Variants in FGF13 observed in about 807,000 individuals in gnomAD.
FGF13 encodes the protein fibroblast growth factor 13.
Under a neutral mutation model 19.5 loss-of-function variants are expected in FGF13, and 2 were observed. The ratio of observed to expected loss-of-function variants is 0.10; its 90% CI spans 0.04 to 0.32. The LOEUF is 0.32. Among genes scored for constraint, FGF13 ranks in the 10% least tolerant of loss-of-function variants. FGF13 has a pLI of 1.00. For synonymous variants in FGF13, 72 were observed against 76.9 expected, an observed-to-expected ratio of 0.94 and a Z score of 0.33; for missense variants, 113 against 192.7, an observed-to-expected ratio of 0.59 and a Z score of 2.45.
intron 3 of FGF13, among the ~76,000 whole-genome samples, chrX:138,646,891 A>G (rs2124120370): frequency 1.8e-5 from 2 of 111,966 alleles, no homozygotes; most frequent in Admixed American, 9.5e-5. Flanking sequence ...AAGACAACAG[A>G]GAGTGAAAAC....
At chrX:139,194,880 C>T (rs973451407) in intron 1 of FGF13, among the ~76,000 whole-genome samples, 14 of 111,869 alleles carry the variant, frequency 1.3e-4, no homozygotes, top group African/African-American at 3.6e-4. Context: ...GCCCGCGGTT[C>T]CCTTTGCGAC....
intron 3 of FGF13, among the ~76,000 whole-genome samples, chrX:138,809,702 T>G (rs892258404): frequency 9.0e-6 from 1 of 111,265 alleles, no homozygotes; most frequent in Non-Finnish European, 1.9e-5. Context: ...AAACCCCATC[T>G]CAGCCCAAAA....
rs923843836 is a variant in FGF13 at position 138,932,903 on chromosome X, T to C, written c.-112-68253A>G. ...AGAGACACCTATATCTCCTCCAGCC[T>C]AGAAGCAATTTGTGTTTCATGGAGG... On this transcript the variant is annotated intron_variant, in intron 1 of 2. Transcript: ENST00000421460. Among the ~76,000 whole-genome samples, 3 of 110,999 alleles carry C rather than the reference T, an allele frequency of 2.7e-5. No individual in the cohort carries two copies. The South Asian group carries it at 1.2e-3, about 44-fold the overall frequency.
intron 3 of FGF13, among the ~76,000 whole-genome samples, chrX:138,819,183 T>C (rs911409365): frequency 6.3e-5 from 7 of 111,749 alleles, no homozygotes; most frequent in African/African-American, 2.0e-4. Flanking sequence ...TTACTTCTTA[T>C]GTAGCCTTTT....
chrX:138,785,472 TCTC>T (rs1206112719), intron 3 of FGF13, among the ~76,000 whole-genome samples: 1 of 111,331 alleles, frequency 9.0e-6, no homozygotes, highest in Non-Finnish European at 1.9e-5. Flanking sequence ...AGCTTTTCCT[TCTC>T]CACCACTATA....
At position 139,057,597 on chromosome X, in the gene FGF13, A is replaced by G. The variant is rs775918669; in HGVS notation, c.-113+145819T>C. Among the ~76,000 whole-genome samples, 5 of 112,338 alleles carry G rather than the reference A, an allele frequency of 4.5e-5. No individual in the cohort carries two copies. The South Asian group carries it at 1.8e-3, about 41-fold the overall frequency. ...AAACTTGTACATAAATGTTCATAGCACAATTATTCATAACCACCACAAAGT... is the reference window on the plus strand; with the variant it reads ...AAACTTGTACATAAATGTTCATAGCGCAATTATTCATAACCACCACAAAGT... On this transcript the variant is annotated intron_variant, in intron 1 of 2. Coordinates refer to the FGF13 transcript ENST00000421460.
At chrX:139,161,334 G>A (rs1159938403) in intron 1 of FGF13, among the ~76,000 whole-genome samples, 1 of 111,716 alleles carries the variant, frequency 9.0e-6, no homozygotes. Context: ...GGTATTGATG[G>A]AACATATCTC....
At chrX:138,833,101 G>A (rs1331536410) in intron 3 of FGF13, among the ~76,000 whole-genome samples, 2 of 112,083 alleles carry the variant, frequency 1.8e-5, no homozygotes, top group Non-Finnish European at 1.9e-5. Flanking sequence ...GTAGCATGAT[G>A]CCTCCTACTT....
rs35078012 is a variant in FGF13, at chrX:138,913,182, C to CTTTTTTTTTTTTTTTTTTTT, written c.-112-48552_-112-48533dup. Among the ~76,000 whole-genome samples, 14 of 37,092 alleles carry CTTTTTTTTTTTTTTTTTTTT rather than the reference C, an allele frequency of 3.8e-4. 5 individuals are homozygous for CTTTTTTTTTTTTTTTTTTTT. The highest frequency in any genetic ancestry group is 1.6e-3 in the African/African-American group (13 of 8,007). The allele number at this position is 37,092 out of a possible 115,157, so 32.2% of individuals were successfully genotyped here. On this transcript the variant is annotated intron_variant, in intron 1 of 2. Transcript: ENST00000421460. ...TGCACCTGGAAAGAAAAAGCATCTA[C>CTTTTTTTTTTTTTTTTTTTT]TTTTTTTTTTTTTTTTTTTTTTTTT...
At chrX:138,701,415 TAA>T (rs1215181080) in intron 3 of FGF13, among the ~76,000 whole-genome samples, 2 of 112,270 alleles carry the variant, frequency 1.8e-5, no homozygotes, top group Admixed American at 1.9e-4. Flanking sequence ...TACACAAATC[TAA>T]AATAAAATCC....
chrX:138,642,610 A>C (rs2089262965), intron 3 of FGF13, among the ~76,000 whole-genome samples: 1 of 112,128 alleles, frequency 8.9e-6, no homozygotes, highest in African/African-American at 3.2e-5. Context: ...TTCACTATGG[A>C]ATCAATTTAC....
chrX:138,985,026 T>C (rs1463468726), intron 1 of FGF13: 1 of 370,483 alleles, frequency 2.7e-6, no homozygotes, highest in Non-Finnish European at 5.4e-6. Flanking sequence ...ACTTAGGTAG[T>C]AGCTTCCTCC....
intron 3 of FGF13, among the ~76,000 whole-genome samples, chrX:138,770,605 G>A (rs2090538036): frequency 9.0e-6 from 1 of 111,349 alleles, no homozygotes; most frequent in Non-Finnish European, 1.9e-5. Flanking sequence ...TACTATCGTG[G>A]CACGTTTTTA....
At position 138,625,463 on chromosome X, in the gene FGF13, TATATATAC is replaced by T. The variant is rs1294031574; in HGVS notation, c.*7379_*7386del. 2 of 96,398 alleles carry T rather than the reference TATATATAC, an allele frequency of 2.1e-5. No homozygotes were observed. Among genetic ancestry groups the T allele is most frequent in the East Asian group, 6.1e-4 (2 of 3,270 alleles). The allele number at this position is 96,398 out of a possible 1,213,427, so 7.9% of individuals were successfully genotyped here. On this transcript the variant is annotated 3_prime_UTR_variant, in exon 5 of 5. Coordinates refer to ENST00000315930, the MANE Select transcript of FGF13 (RefSeq NM_004114.5). ...AGATGAATGAAGAAAGAAAATTATATATATATACATATATATATATAATATATATATAT... is the reference window on the plus strand; with the variant it reads ...AGATGAATGAAGAAAGAAAATTATATATATATATATATAATATATATATAT...
intron 1 of FGF13, among the ~76,000 whole-genome samples, chrX:139,143,858 G>A (rs1331839006): frequency 9.0e-6 from 1 of 111,625 alleles, no homozygotes; most frequent in African/African-American, 3.3e-5. Flanking sequence ...CATACTAGCT[G>A]ATCACATAAA....
chrX:138,683,436 C>T (rs2089749678), intron 3 of FGF13, among the ~76,000 whole-genome samples: 1 of 110,191 alleles, frequency 9.1e-6, no homozygotes, highest in Admixed American at 9.8e-5. Flanking sequence ...CACACACACA[C>T]ACAGCTCCAA....
intron 1 of FGF13, among the ~76,000 whole-genome samples, chrX:138,922,333 A>G (rs1165203529): frequency 8.9e-6 from 1 of 111,880 alleles, no homozygotes. Flanking sequence ...TCCGAAATCA[A>G]AATGGCCCCA....
chrX:139,188,673 C>T (rs1404891199), intron 1 of FGF13, among the ~76,000 whole-genome samples: 1 of 112,182 alleles, frequency 8.9e-6, no homozygotes, highest in Non-Finnish European at 1.9e-5. Flanking sequence ...ACAAATGTTT[C>T]TCCCACTGCC....
At chrX:139,035,642 C>A (rs2092248207) in intron 1 of FGF13, among the ~76,000 whole-genome samples, 1 of 111,153 alleles carries the variant, frequency 9.0e-6, no homozygotes, top group East Asian at 2.9e-4. Flanking sequence ...CCAATACCAC[C>A]CCTACCATAA....
Sources: allele counts gnomAD v4.1 joint callset (sites outside exome capture counted in the v4.1 genomes callset), GRCh38; gene constraint gnomAD v4.1.1; transcripts MANE v1.5; gene names NCBI Gene and HGNC (gene_info 2026-07-23, HGNC 2026-07-21).